The following CAST variants were observed in gnomAD, a reference collection of about 807,000 sequenced individuals.
The protein encoded by CAST is calpastatin.
A neutral mutation model predicts 119.6 loss-of-function variants in CAST; 76 were observed. That is an observed-to-expected ratio of 0.64 (90% confidence interval 0.53 to 0.77). The LOEUF (loss-of-function observed/expected upper bound fraction) is 0.77. Among genes scored for constraint, CAST ranks in the 30% least tolerant of loss-of-function variants. The probability of loss-of-function intolerance (pLI) is 0.00; values close to 1 mark genes in which losing one functional copy is unlikely to be tolerated. For synonymous variants in CAST, 319 were observed against 331.6 expected (o/e 0.96, Z 0.41); for missense variants, 953 against 946.5 (o/e 1.01, Z -0.09).
chr5:96,568,740 T>A (rs866403062), intron 1 of CAST, among the ~76,000 whole-genome samples: 1 of 151,944 alleles, frequency 6.6e-6, no homozygotes, highest in Non-Finnish European at 1.5e-5. Flanking sequence ...CTTTTTTTCC[T>A]TGTTGGACAG....
chr5:96,621,971 T>C (rs55684835), intron 1 of CAST, among the ~76,000 whole-genome samples: 232 of 138,208 alleles, frequency 1.7e-3, no homozygotes, highest in African/African-American at 5.9e-3. Context: ...TTTTTTCTCT[T>C]TTTTTTTTTT....
chr5:96,393,495 G>A, the CAST span: 61 of 1,219,742 alleles, frequency 5.0e-5, no homozygotes, highest in Non-Finnish European at 5.9e-5. Flanking sequence ...ATGAGGGGAG[G>A]GGAGAGAGTT....
the CAST span, among the ~76,000 whole-genome samples, chr5:96,013,533 T>C: frequency 2.0e-5 from 3 of 152,230 alleles, no homozygotes; most frequent in African/African-American, 7.2e-5. Flanking sequence ...CATGATGTGA[T>C]TATATACAGT....
chr5:96,762,045 A>G (rs962879889), intron 24 of CAST: 2 of 365,198 alleles, frequency 5.5e-6, no homozygotes, highest in South Asian at 7.9e-5. Context: ...ATTGCATAGT[A>G]TTTAGAATAA....
the CAST span, among the ~76,000 whole-genome samples, chr5:96,364,455 A>T: frequency 6.6e-6 from 1 of 152,102 alleles, no homozygotes; most frequent in Non-Finnish European, 1.5e-5. Context: ...TCTGGTCCTG[A>T]ACTTTTTTTG....
chr5:96,459,594 C>T, the CAST span, among the ~76,000 whole-genome samples: 8 of 152,072 alleles, frequency 5.3e-5, no homozygotes, highest in Non-Finnish European at 1.5e-5. Context: ...CAACAGAGGA[C>T]CAGAGAGCCC....
At chr5:96,646,957 C>A (rs1258402170) in intron 1 of CAST, among the ~76,000 whole-genome samples, 2 of 152,158 alleles carry the variant, frequency 1.3e-5, no homozygotes, top group South Asian at 2.1e-4. Flanking sequence ...CTCTCTGTTG[C>A]GGACTACCAA....
chr5:96,432,132 G>GC, the CAST span: 1 of 1,535,558 alleles, frequency 6.5e-7, no homozygotes, highest in Non-Finnish European at 8.7e-7. Flanking sequence ...AGTCAGTTCG[G>GC]CATCTCGACC....
At chr5:96,287,216 G>T in the CAST span, among the ~76,000 whole-genome samples, 1 of 152,060 alleles carries the variant, frequency 6.6e-6, no homozygotes, top group Non-Finnish European at 1.5e-5. Context: ...ATAAGTGAGA[G>T]AAATTCTCTC....
intron 1 of CAST, among the ~76,000 whole-genome samples, chr5:96,561,982 C>A (rs1057318537): frequency 1.3e-5 from 2 of 149,144 alleles, no homozygotes; most frequent in African/African-American, 4.9e-5. Context: ...TTAGTAGAGA[C>A]GGGGTTTCAC....
intron 29 of CAST, 138 bp downstream of exon 29, chr5:96,768,137 G>A (rs1311478680): frequency 4.4e-6 from 3 of 687,302 alleles, no homozygotes; most frequent in Non-Finnish European, 7.8e-6. Context: ...AGGCTGGAGT[G>A]CAGTGGTGTG....
chr5:96,373,808 C>T, the CAST span, among the ~76,000 whole-genome samples: 204 of 151,956 alleles, frequency 1.3e-3, 2 homozygotes, highest in Middle Eastern at 6.8e-3. Flanking sequence ...TACAGTGGCA[C>T]AATCACAGCT....
At chr5:96,527,521 A>G (rs997361983), upstream of CAST, among the ~76,000 whole-genome samples, 1 of 152,166 alleles carries the variant, frequency 6.6e-6, no homozygotes, top group Admixed American at 6.5e-5. Flanking sequence ...GAAGTTCAGT[A>G]AATCCCTGTC....
chr5:96,434,538 T>G, the CAST span, among the ~76,000 whole-genome samples: 3 of 152,228 alleles, frequency 2.0e-5, no homozygotes, highest in East Asian at 1.9e-4. Context: ...TGGGAACGTG[T>G]TGGACTCAGG....
the CAST span, among the ~76,000 whole-genome samples, chr5:96,266,501 A>G: frequency 1.3e-5 from 2 of 152,338 alleles, no homozygotes; most frequent in East Asian, 3.9e-4. Flanking sequence ...ACACCAAATC[A>G]GAGTGACTGT....
At chr5:96,594,170 A>C (rs765606462) in intron 1 of CAST, among the ~76,000 whole-genome samples, 8 of 152,250 alleles carry the variant, frequency 5.3e-5, no homozygotes, top group Non-Finnish European at 1.0e-4. Context: ...TAAAGAAAGC[A>C]ATGATGTTGT....
chr5:96,476,031 G>A, the CAST span, among the ~76,000 whole-genome samples: 147 of 152,264 alleles, frequency 9.7e-4, no homozygotes, highest in African/African-American at 3.0e-3. Context: ...AGCAGGAAAA[G>A]AAAGCCATCC....
chr5:96,406,557 C>T, the CAST span, among the ~76,000 whole-genome samples: 1 of 152,198 alleles, frequency 6.6e-6, no homozygotes, highest in Non-Finnish European at 1.5e-5. Context: ...AGCCATCTCA[C>T]AGCCGAGATA....
chr5:96,325,471 T>C, the CAST span, among the ~76,000 whole-genome samples: 1 of 150,816 alleles, frequency 6.6e-6, no homozygotes, highest in East Asian at 1.9e-4. Flanking sequence ...TTTTTATTTA[T>C]TTATTTTATT....
Sources: allele counts gnomAD v4.1 joint callset (sites outside exome capture counted in the v4.1 genomes callset), GRCh38; gene constraint gnomAD v4.1.1; transcripts MANE v1.5; gene names NCBI Gene and HGNC (gene_info 2026-07-23, HGNC 2026-07-21).